NUP42: variants seen among roughly 807,000 people sequenced by gnomAD.
NUP42 encodes the protein nucleoporin NUP42.
A neutral mutation model predicts 35.9 loss-of-function variants in NUP42; 47 were observed. The observed-to-expected ratio is 1.31, with a 90% CI of 1.04 to 1.67. The LOEUF is 1.67. NUP42 is among the 40% of genes most tolerant of loss of function. NUP42 has a pLI of 0.00. For synonymous variants in NUP42, 173 were observed against 173.3 expected (o/e 1.00, Z 0.01); for missense variants, 514 against 492.2 (o/e 1.04, Z -0.42).
Position 23,185,290 on chromosome 7 carries a change from G to T in NUP42, c.342G>T (p.Lys114Asn), listed in dbSNP as rs145269225. The change falls in exon 2 of 7, where the codon AAG (lysine) becomes AAT (asparagine). Residue 114 changes from lysine (K) to asparagine (N), a missense_variant. Physicochemically the swap from Lys to Asn is moderately conservative, Grantham distance 94. Transcript: ENST00000258742. ...SLSPDEQKDEKKLLEGIVKDM... is the reference protein window; with the variant it reads ...SLSPDEQKDENKLLEGIVKDM... ...GTCCTGATGAGCAGAAAGATGAAAA[G>T]AAACTTCTGTAAGTGAAAGTTTTCA... The T allele has an allele frequency of 6.2e-7, 1 of 1,604,512 alleles. No individual in the cohort carries two copies. The highest frequency in any genetic ancestry group is 2.2e-5 in the East Asian group (1 of 44,764).
At chr7:23,199,978 C>T (rs1031839600) in intron 6 of NUP42, among the ~76,000 whole-genome samples, 190 bp from the exon 7 acceptor site, 8 of 152,150 alleles carry the variant, frequency 5.3e-5, no homozygotes, top group Non-Finnish European at 1.0e-4. Flanking sequence ...GCAGAAAAGA[C>T]AGGCAGCAGG....
chr7:23,184,923 T>C (rs567945162), intron 1 of NUP42, 147 bp from the exon 2 acceptor site: 7 of 629,144 alleles, frequency 1.1e-5, no homozygotes, highest in South Asian at 8.8e-5. Flanking sequence ...GGAGGATCGA[T>C]TGAGCTTAGG....
At chr7:23,188,382 A>C (rs1384878891) in intron 3 of NUP42, 1 of 982,872 alleles carries the variant, frequency 1.0e-6, no homozygotes, top group African/African-American at 1.7e-5. Flanking sequence ...AAGTGATGCA[A>C]ATAAACTAAG....
chr7:23,197,763 A>G (rs1027832522), intron 5 of NUP42, among the ~76,000 whole-genome samples: 4 of 152,182 alleles, frequency 2.6e-5, no homozygotes, highest in African/African-American at 7.2e-5. Flanking sequence ...ACTGAATGGT[A>G]ACCCATTGTA....
At chr7:23,193,291 C>T (rs894096597) in intron 3 of NUP42, among the ~76,000 whole-genome samples, 1 of 152,194 alleles carries the variant, frequency 6.6e-6, no homozygotes, top group African/African-American at 2.4e-5. Flanking sequence ...CTGGGGCAGC[C>T]TGCTTTTATT....
intron 2 of NUP42, among the ~76,000 whole-genome samples, chr7:23,185,565 T>C (rs953193487): frequency 9.2e-5 from 14 of 152,150 alleles, no homozygotes; most frequent in African/African-American, 3.1e-4. Flanking sequence ...AATAGTAGAG[T>C]GCCTTCCTAG....
chr7:23,184,679 C>T (rs1469274542), intron 1 of NUP42, among the ~76,000 whole-genome samples: 1 of 152,108 alleles, frequency 6.6e-6, no homozygotes, highest in Admixed American at 6.5e-5. Flanking sequence ...ATTGTCTAGA[C>T]ATACTAAGAT....
rs1326479262 is a variant in NUP42, at chr7:23,182,109, T to C, written c.24T>C (p.Leu8=). 2 of 1,614,028 alleles carry C rather than the reference T, an allele frequency of 1.2e-6. No individual in the cohort carries two copies. The highest frequency in any genetic ancestry group is 2.7e-5 in the African/African-American group (2 of 74,948). Residue 8 remains leucine (L), a synonymous_variant, in exon 1 of 7, where the codon CTT becomes CTC. Transcript: ENST00000258742. MAICQFF[L]QGRCRFGDRC... ...CAATGGCCATTTGTCAATTCTTCCTTCAAGGCCGGTGCCGCTTTGGAGATC... is the reference window on the plus strand; with the variant it reads ...CAATGGCCATTTGTCAATTCTTCCTCCAAGGCCGGTGCCGCTTTGGAGATC...
At position 23,200,816 on chromosome 7, in the gene NUP42, TATGC is replaced by T; in HGVS notation, c.*74_*77del. 9 of 878,072 alleles carry T rather than the reference TATGC, an allele frequency of 1.0e-5. No individual in the cohort carries two copies. The highest frequency in any genetic ancestry group is 1.7e-5 in the African/African-American group (1 of 59,354). 54.4% of individuals were successfully genotyped at this position (878,072 alleles called of 1,614,324 possible). A position where few individuals can be genotyped will look rare whatever the true frequency, so the allele number is the denominator to read the frequency against. On this transcript the variant is annotated 3_prime_UTR_variant, in exon 7 of 7. Transcript: ENST00000258742. ...TGAGTGATTCATACAGAGATGTATA[TATGC>T]ATACATGTATATATTCATAAGGAAT...
chr7:23,185,261 C>G lies in NUP42; in HGVS notation c.313C>G (p.Leu105Val), dbSNP rs1295270011. 1.9e-6 allele frequency: 3 copies of G among 1,614,100 alleles called. No homozygotes were observed. The highest frequency in any genetic ancestry group is 2.5e-6 in the Non-Finnish European group (3 of 1,179,980). ...ATTGTCTGAGAACCCATTTGCTTCACTTAGTCCTGATGAGCAGAAAGATGA... is the reference window on the plus strand; with the variant it reads ...ATTGTCTGAGAACCCATTTGCTTCAGTTAGTCCTGATGAGCAGAAAGATGA... ...FGLSENPFAS[L>V]SPDEQKDEKK... Residue 105 changes from leucine (L) to valine (V), a missense_variant, in exon 2 of 7, where the codon CTT becomes GTT. Transcript: ENST00000258742.
intron 2 of NUP42, among the ~76,000 whole-genome samples, chr7:23,186,042 A>G (rs1785583793): frequency 6.6e-6 from 1 of 152,208 alleles, no homozygotes; most frequent in South Asian, 2.1e-4. Context: ...ACCCAGCCAC[A>G]TATCTTATTT....
intron 3 of NUP42, chr7:23,188,059 C>G: frequency 6.9e-7 from 1 of 1,446,424 alleles, no homozygotes; most frequent in Non-Finnish European, 9.1e-7. Flanking sequence ...GGGCTGAAAC[C>G]TAGACCACCG....
rs1420337194 is a variant in NUP42, at chr7:23,200,938, A to AT, written c.*200dup. 2 of 347,182 alleles carry AT rather than the reference A, an allele frequency of 5.8e-6. No individual in the cohort carries two copies. The highest frequency in any genetic ancestry group is 1.0e-5 in the Non-Finnish European group (2 of 197,890). 21.5% of individuals were successfully genotyped at this position (347,182 alleles called of 1,614,324 possible). ...TAACAAAAACTCTGCAAGCAAGGGA[A>AT]TTTTTTTGTACTGTAATTTTGAATG... On this transcript the variant is annotated 3_prime_UTR_variant, in exon 7 of 7. Coordinates refer to ENST00000258742, the MANE Select transcript of NUP42 (RefSeq NM_007342.3).
In NUP42 at chr7:23,196,676, T is replaced by G; in HGVS notation, c.523-4T>G. 6 of 1,601,068 alleles carry G rather than the reference T, an allele frequency of 3.7e-6. No homozygotes were observed. Among genetic ancestry groups the G allele is most frequent in the Non-Finnish European group, 4.3e-6 (5 of 1,169,594 alleles). ...ACTGTTATTTTTCTGTCTTCCGTTT[T>G]CAGCTAAATTCTGTCCAACGTTTAA... On this transcript the variant is annotated splice_polypyrimidine_tract_variant and splice_region_variant and intron_variant, in intron 4 of 6. Transcript: ENST00000258742.
intron 3 of NUP42, chr7:23,187,936 G>C (rs1022815679): frequency 8.3e-6 from 4 of 479,238 alleles, no homozygotes; most frequent in Non-Finnish European, 1.1e-5. Context: ...AATATTCTCT[G>C]TCTCTCTCTC....
chr7:23,193,159 T>C (rs1785866769), intron 3 of NUP42, among the ~76,000 whole-genome samples: 1 of 151,592 alleles, frequency 6.6e-6, no homozygotes, highest in African/African-American at 2.4e-5. Flanking sequence ...TCGCGGTGAG[T>C]GTTACAGCTC....
rs1178970157 is a variant in NUP42, at chr7:23,200,362, TC to T, written c.890del (p.Ser297TrpfsTer97). ...TGGATTTGGGAAGCCTGAAGTCACA[TC>T]GGCTGCATCATTTTCATTCAAAAGC... is the stretch of plus-strand genomic sequence containing the variant. ...AFGFGKPEVT[S>X]AASFSFKSPA... is the part of the protein sequence containing the mutation. On this transcript the variant is annotated frameshift_variant, in exon 7 of 7. Coordinates refer to ENST00000258742, the MANE Select transcript of NUP42 (RefSeq NM_007342.3). LOFTEE classifies it low-confidence loss of function (END_TRUNC). The T allele has an allele frequency of 6.2e-7, 1 of 1,613,350 alleles. No individual in the cohort carries two copies. Among genetic ancestry groups the T allele is most frequent in the Non-Finnish European group, 8.5e-7 (1 of 1,179,686 alleles).
At chr7:23,200,058 C>A in intron 6 of NUP42, 110 bp from the exon 7 acceptor site, 1 of 831,482 alleles carries the variant, frequency 1.2e-6, no homozygotes, top group Non-Finnish European at 1.8e-6. Context: ...CTTCTCAACA[C>A]TGAAACATGA....
intron 3 of NUP42, among the ~76,000 whole-genome samples, chr7:23,192,570 G>GAA (rs1452123583): frequency 2.7e-5 from 4 of 146,782 alleles, no homozygotes; most frequent in Admixed American, 6.7e-5. Context: ...AAAAGAAAAA[G>GAA]AAAATCATAA....
Sources: gnomAD v4.1 joint callset for allele counts (sites outside exome capture counted in the v4.1 genomes callset) on GRCh38, gnomAD v4.1.1 for gene constraint, MANE v1.5 for transcripts, NCBI Gene and HGNC (gene_info 2026-07-23, HGNC 2026-07-21) for gene names.